Variants in RHBDL2 observed in about 807,000 individuals in gnomAD.
The protein encoded by RHBDL2 is rhomboid like 2.
In RHBDL2, 26 loss-of-function variants were observed where a neutral mutation model predicts 31.7. The observed-to-expected ratio is 0.82, with a 90% CI of 0.60 to 1.14. The LOEUF (loss-of-function observed/expected upper bound fraction) is 1.14. Among genes scored for constraint, RHBDL2 ranks in the 50% most tolerant of loss-of-function variants. The pLI, the probability that RHBDL2 is intolerant of heterozygous loss-of-function variation, is 0.00. For synonymous variants in RHBDL2, 123 were observed against 127.2 expected (o/e 0.97, Z 0.22); for missense variants, 336 against 364.4 (o/e 0.92, Z 0.63).
At chr1:38,907,747 G>A (rs918307698) in intron 4 of RHBDL2, among the ~76,000 whole-genome samples, 2 of 151,954 alleles carry the variant, frequency 1.3e-5, no homozygotes, top group African/African-American at 4.8e-5. Flanking sequence ...CTCTAAAAGT[G>A]AACAAACAAA....
intron 5 of RHBDL2, among the ~76,000 whole-genome samples, chr1:38,893,746 G>A (rs1406101468): frequency 6.6e-6 from 1 of 151,968 alleles, no homozygotes; most frequent in Non-Finnish European, 1.5e-5. Context: ...TCTGTGAGGG[G>A]AGGTAGAAGA....
chr1:38,927,976 C>G (rs1370163574), intron 1 of RHBDL2, among the ~76,000 whole-genome samples: 1 of 152,058 alleles, frequency 6.6e-6, no homozygotes, highest in Non-Finnish European at 1.5e-5. Flanking sequence ...TGTTCCACAG[C>G]CCCTGTGATT....
chr1:38,904,224 GC>G (rs1643031337), intron 4 of RHBDL2, among the ~76,000 whole-genome samples: 1 of 151,570 alleles, frequency 6.6e-6, no homozygotes. Context: ...TAATCCCAGC[GC>G]TTTGGGAGGC....
At chr1:38,906,255 G>A (rs1557613139) in intron 4 of RHBDL2, among the ~76,000 whole-genome samples, 1 of 152,066 alleles carries the variant, frequency 6.6e-6, no homozygotes, top group Non-Finnish European at 1.5e-5. Context: ...TGGAAAGGAA[G>A]AAATAAAATA....
chr1:38,927,555 A>G (rs1477361359), intron 1 of RHBDL2, among the ~76,000 whole-genome samples: 2 of 151,374 alleles, frequency 1.3e-5, no homozygotes, highest in Admixed American at 1.3e-4. Context: ...GCTACCAAAA[A>G]AAGGGCTTGC....
At chr1:38,915,743 C>T in intron 2 of RHBDL2, 33 bp from the exon 3 acceptor site, 1 of 1,611,976 alleles carries the variant, frequency 6.2e-7, no homozygotes, top group South Asian at 1.1e-5. Context: ...GTATTAACCA[C>T]ACCTTCTCCA....
chr1:38,920,783 T>TG (rs1643302828), intron 1 of RHBDL2, among the ~76,000 whole-genome samples: 1 of 150,422 alleles, frequency 6.6e-6, no homozygotes, highest in Non-Finnish European at 1.5e-5. Context: ...ATTTTTTTTT[T>TG]TTTTTGTATT....
intron 5 of RHBDL2, among the ~76,000 whole-genome samples, chr1:38,893,679 T>C (rs1000996861): frequency 3.3e-5 from 5 of 151,794 alleles, no homozygotes; most frequent in East Asian, 1.9e-4. Flanking sequence ...TTCAAAAACA[T>C]TGAAAATATT....
At chr1:38,911,877 G>A (rs1643153464) in intron 3 of RHBDL2, among the ~76,000 whole-genome samples, 1 of 151,944 alleles carries the variant, frequency 6.6e-6, no homozygotes, top group Non-Finnish European at 1.5e-5. Flanking sequence ...CATGATCTTG[G>A]CTCACTGCAA....
intron 1 of RHBDL2, among the ~76,000 whole-genome samples, chr1:38,931,874 G>T (rs1023249062): frequency 5.9e-5 from 9 of 152,152 alleles, no homozygotes; most frequent in African/African-American, 2.2e-4. Flanking sequence ...AGCCAAGGAT[G>T]GTAGACTAAA....
At chr1:38,889,028 G>C (rs11211566) in intron 6 of RHBDL2, among the ~76,000 whole-genome samples, 54,662 of 151,984 alleles carry the variant, frequency 0.36, 11,004 homozygotes, top group Non-Finnish European at 0.45. Flanking sequence ...CCATTGTAAG[G>C]ACTTCAACCT....
rs556943215 is a variant in RHBDL2, at chr1:38,916,604, G to T, written c.247-894C>A. Reference sequence around the variant, plus strand: ...TCATGCCTATAGTCCCAGCCCTTTGGCGGGAGGCTGAGGCAGGTGGATCAC... The same window carrying T: ...TCATGCCTATAGTCCCAGCCCTTTGTCGGGAGGCTGAGGCAGGTGGATCAC... On this transcript the variant is annotated intron_variant, in intron 2 of 7. Coordinates refer to ENST00000372990, the MANE Select transcript of RHBDL2 (RefSeq NM_017821.5). Among the ~76,000 whole-genome samples, 673 of 152,130 alleles carry T rather than the reference G, an allele frequency of 4.4e-3. 5 individuals are homozygous for T. The highest frequency in any genetic ancestry group is 6.3e-3 in the Non-Finnish European group (427 of 67,990).
At chr1:38,937,425 C>T (rs1266710354) in intron 1 of RHBDL2, among the ~76,000 whole-genome samples, 1 of 152,092 alleles carries the variant, frequency 6.6e-6, no homozygotes, top group Non-Finnish European at 1.5e-5. Flanking sequence ...AGAGGTGTAA[C>T]TTTCTTATAA....
chr1:38,912,162 G>T (rs896146884), intron 3 of RHBDL2, among the ~76,000 whole-genome samples: 38 of 151,972 alleles, frequency 2.5e-4, no homozygotes, highest in African/African-American at 9.2e-4. Flanking sequence ...GTAGAGACAG[G>T]GTTTCTTCAT....
intron 4 of RHBDL2, among the ~76,000 whole-genome samples, chr1:38,908,455 T>C (rs1411059990): frequency 7.4e-6 from 1 of 135,024 alleles, no homozygotes; most frequent in Non-Finnish European, 1.5e-5. Flanking sequence ...GAGGTTGCTG[T>C]GAGCTGAGAC....
chr1:38,940,972 T>C (rs6422258), intron 1 of RHBDL2, among the ~76,000 whole-genome samples: 137,588 of 152,202 alleles, frequency 0.9, 62,203 homozygotes, highest in Admixed American at 0.93. Context: ...CCAAGTGTCT[T>C]TGTGACTCCA....
intron 4 of RHBDL2, among the ~76,000 whole-genome samples, chr1:38,908,817 T>C (rs1005599971): frequency 6.6e-6 from 1 of 152,194 alleles, no homozygotes; most frequent in Non-Finnish European, 1.5e-5. Context: ...TACTTGTGCC[T>C]TATCTCCAGG....
chr1:38,922,736 G>A (rs149564176), intron 1 of RHBDL2, among the ~76,000 whole-genome samples: 23,535 of 149,310 alleles, frequency 0.16, 2,359 homozygotes, highest in Non-Finnish European at 0.22. Context: ...TCCCGCTCAC[G>A]TTTATCTTCT....
intron 4 of RHBDL2, among the ~76,000 whole-genome samples, chr1:38,901,849 T>C (rs1276040246): frequency 7.0e-6 from 1 of 142,606 alleles, no homozygotes; most frequent in Non-Finnish European, 1.5e-5. Flanking sequence ...ATAAAATAAA[T>C]AAATAAATAA....
Sources: gnomAD v4.1 joint callset for allele counts (sites outside exome capture counted in the v4.1 genomes callset) on GRCh38, gnomAD v4.1.1 for gene constraint, MANE v1.5 for transcripts, NCBI Gene and HGNC (gene_info 2026-07-23, HGNC 2026-07-21) for gene names.